SLF2: variants seen among roughly 807,000 people sequenced by gnomAD.
The protein encoded by SLF2 is SMC5/6 complex localization factor 2, also known as SMC5-SMC6 complex localization factor protein 2.
In SLF2, 68 loss-of-function variants were observed where a neutral mutation model predicts 124.3. That is an observed-to-expected ratio of 0.55 (90% CI 0.45 to 0.67). The LOEUF is 0.67. SLF2 is among the 30% of genes least tolerant of loss of function. The pLI is 0.00. For missense variants in SLF2, 1,246 were observed against 1,373.7 expected (o/e 0.91, Z 1.47); for synonymous variants, 480 against 478.8 (o/e 1.00, Z -0.03).
intron 17 of SLF2, among the ~76,000 whole-genome samples, chr10:100,952,899 A>G (rs1850246903): frequency 6.6e-6 from 1 of 152,124 alleles, no homozygotes; most frequent in African/African-American, 2.4e-5. Flanking sequence ...AGATCACGCC[A>G]TTGCACACCA....
intron 10 of SLF2, 91 bp downstream of exon 10, chr10:100,937,568 G>A (rs1456271985): frequency 9.5e-6 from 8 of 841,882 alleles, no homozygotes; most frequent in South Asian, 1.5e-5. Context: ...TAGTATATTT[G>A]GAAATATACA....
At position 100,924,637 on chromosome 10, in the gene SLF2, C is replaced by A. The variant is rs747051897; in HGVS notation, c.1636C>A (p.Arg546Ser). 3.1e-6 allele frequency: 5 copies of A among 1,614,032 alleles called. No homozygotes were observed. The highest frequency in any genetic ancestry group is 4.2e-6 in the Non-Finnish European group (5 of 1,180,028). Residue 546 changes from arginine to serine, a missense_variant, in exon 5 of 20, where the codon CGC becomes AGC. Transcript: ENST00000238961. ...AGGGAAAATTTCTGGGGGACCTTTGCGCTCAGAATATGGCACTCCTACAAA... is the reference window on the plus strand; with the variant it reads ...AGGGAAAATTTCTGGGGGACCTTTGAGCTCAGAATATGGCACTCCTACAAA... ...SSGKISGGPLRSEYGTPTKSP... is the reference protein window; with the variant it reads ...SSGKISGGPLSSEYGTPTKSP...
Position 100,945,383 on chromosome 10 carries a change from A to G in SLF2, c.2811A>G (p.Ile937Met). The change falls in exon 13 of 20, where the codon ATA becomes ATG. Residue 937 changes from isoleucine to methionine, a missense_variant. Transcript: ENST00000238961. The stretch of plus-strand genomic sequence containing the variant: ...CAGAAGGTTACCAGGATCGTGAAAT[A>G]ATGTTGCTGATTTTAATGTTATTTA... ...IHPEGYQDRE[I>M]MLLILMLFKM... 6.2e-7 allele frequency: 1 copy of G among 1,603,176 alleles called. No individual in the cohort carries two copies. Among genetic ancestry groups the G allele is most frequent in the Non-Finnish European group, 8.5e-7 (1 of 1,177,554 alleles).
At position 100,959,979 on chromosome 10, in the gene SLF2, G is replaced by C. The variant is rs1473339944; in HGVS notation, c.3486+483G>C. Among the ~76,000 whole-genome samples the C allele has an allele frequency of 2.0e-5, 3 of 152,018 alleles. No individual in the cohort carries two copies. In the East Asian group the frequency reaches 5.8e-4, roughly 29 times the overall value. ...CCTCCTGACTCCTCCCAAATCCTAG[G>C]CAAACACTAATCTACTTTCTGTCCC... On this transcript the variant is annotated intron_variant, in intron 19 of 19. Coordinates refer to ENST00000238961, the MANE Select transcript of SLF2 (RefSeq NM_018121.4).
chr10:100,928,041 C>T (rs780726100), intron 6 of SLF2, among the ~76,000 whole-genome samples: 2 of 45,014 alleles, frequency 4.4e-5, no homozygotes, highest in Non-Finnish European at 5.8e-5. Flanking sequence ...ACCCCCCCCC[C>T]CCCCCACACA....
chr10:100,924,488 T>A lies in SLF2; in HGVS notation c.1487T>A (p.Leu496His). Residue 496 changes from leucine (L) to histidine (H), a missense_variant, in exon 5 of 20, where the codon CTT (leucine) becomes CAT (histidine). Around this residue, in one of 3 missense-constraint regions of SLF2, gnomAD observed 698 missense variants for 708.9 expected, o/e 0.98. Coordinates refer to ENST00000238961, the MANE Select transcript of SLF2 (RefSeq NM_018121.4). Reference sequence around the variant, plus strand: ...CCATTAAATGCTAAAAATTGTGCTCTTCCAGTTTCTAAAAAAGATAAAGAG... The same window carrying A: ...CCATTAAATGCTAAAAATTGTGCTCATCCAGTTTCTAAAAAAGATAAAGAG... ...LVPLNAKNCA[L>H]PVSKKDKERS... The A allele has an allele frequency of 6.2e-7, 1 of 1,614,152 alleles. No individual in the cohort carries two copies. Among genetic ancestry groups the A allele is most frequent in the Non-Finnish European group, 8.5e-7 (1 of 1,180,036 alleles).
chr10:100,917,018 C>T lies in SLF2; in HGVS notation c.633C>T (p.Asn211=). ...TGGCAGAAGCTGACATCTTCAATAA[C>T]AGCTCCAGAAGCCTTAGCAGCAGGA... ...TTVAEADIFN[N]SSRSLSSRSS... is the part of the protein sequence containing the mutation. The change falls in exon 3 of 20, where the codon AAC becomes AAT. Residue 211 remains asparagine, a synonymous_variant. Transcript: ENST00000238961. 6.2e-7 allele frequency: 1 copy of T among 1,614,178 alleles called. No homozygotes were observed. The highest frequency in any genetic ancestry group is 8.5e-7 in the Non-Finnish European group (1 of 1,180,038).
intron 6 of SLF2, among the ~76,000 whole-genome samples, chr10:100,927,079 G>A (rs1849629206): frequency 7.7e-6 from 1 of 129,110 alleles, no homozygotes; most frequent in Non-Finnish European, 1.8e-5. Flanking sequence ...AGAATTTTTT[G>A]TGTTTTTTTA....
chr10:100,924,673 G>A lies in SLF2; in HGVS notation c.1672G>A (p.Ala558Thr), dbSNP rs753503500. ...TGGCACTCCTACAAAGTCTCCCCCT[G>A]CTGCTTTGGAAGTTGTGCCATGTAT... Reference protein sequence around the residue: ...EYGTPTKSPPAALEVVPCIPS... With the variant: ...EYGTPTKSPPTALEVVPCIPS... Residue 558 changes from alanine to threonine, a missense_variant, in exon 5 of 20, where the codon GCT becomes ACT. By Grantham distance (58) the Ala-to-Thr change is moderately conservative (BLOSUM62 0). Coordinates refer to ENST00000238961, the MANE Select transcript of SLF2 (RefSeq NM_018121.4). 1.9e-6 allele frequency: 3 copies of A among 1,614,116 alleles called. No homozygotes were observed. Among genetic ancestry groups the A allele is most frequent in the Non-Finnish European group, 2.5e-6 (3 of 1,180,028 alleles).
At chr10:100,954,439 A>G (rs1662045048) in intron 17 of SLF2, among the ~76,000 whole-genome samples, 1 of 152,216 alleles carries the variant, frequency 6.6e-6, no homozygotes, top group Non-Finnish European at 1.5e-5. Flanking sequence ...TAGAAGTAGA[A>G]TTGTTAGATC....
At chr10:100,915,545 T>C (rs1459044578) in intron 1 of SLF2, among the ~76,000 whole-genome samples, 8 of 152,212 alleles carry the variant, frequency 5.3e-5, no homozygotes, top group African/African-American at 1.9e-4. Context: ...CATACATCTA[T>C]TGAGTTTTTT....
Position 100,959,479 on chromosome 10 carries a change from A to G in SLF2, c.3469A>G (p.Asn1157Asp), listed in dbSNP as rs1240260424. Residue 1157 changes from asparagine (N) to aspartate (D), a missense_variant, in exon 19 of 20, where the codon AAC becomes GAC. Around this residue, in one of 3 missense-constraint regions of SLF2, gnomAD observed 535 missense variants for 632.8 expected, o/e 0.85. Coordinates refer to ENST00000238961, the MANE Select transcript of SLF2 (RefSeq NM_018121.4). ...TGGAAAATGGCAGGAAATAATCCAGAACTGTCGGCCTACTCAGGTGTCATT... is the reference window on the plus strand; with the variant it reads ...TGGAAAATGGCAGGAAATAATCCAGGACTGTCGGCCTACTCAGGTGTCATT... ...IHGKWQEIIQNCRPTQGQLHD... is the reference protein window; with the variant it reads ...IHGKWQEIIQDCRPTQGQLHD... 1 of 1,611,844 alleles carries G rather than the reference A, an allele frequency of 6.2e-7. No individual in the cohort carries two copies. The highest frequency in any genetic ancestry group is 8.5e-7 in the Non-Finnish European group (1 of 1,179,522).
At chr10:100,934,571 GT>G (rs1849808015) in intron 9 of SLF2, among the ~76,000 whole-genome samples, 1 of 151,708 alleles carries the variant, frequency 6.6e-6, no homozygotes, top group Admixed American at 6.6e-5. Context: ...TAGAGTTCAG[GT>G]TACTCCTCCT....
rs759229354 is a variant in SLF2, at chr10:100,918,333, ATTC to A, written c.916-48_916-46del. Reference sequence around the variant, plus strand: ...TAAATGTTAGGAAGAATGCCTTCACATTCTTTACTGTCCCCAACACTTAATTAA... The same window carrying A: ...TAAATGTTAGGAAGAATGCCTTCACATTTACTGTCCCCAACACTTAATTAA... On this transcript the variant is annotated intron_variant, in intron 3 of 19. Coordinates refer to ENST00000238961, the MANE Select transcript of SLF2 (RefSeq NM_018121.4). 4.7e-5 allele frequency: 58 copies of A among 1,227,894 alleles called. 2 individuals are homozygous for A. The South Asian group carries it at 8.0e-4, about 17-fold the overall frequency. The allele number at this position is 1,227,894 out of a possible 1,614,324, so 76.1% of individuals were successfully genotyped here.
intron 8 of SLF2, among the ~76,000 whole-genome samples, chr10:100,930,620 A>G (rs953461624): frequency 4.6e-5 from 7 of 152,192 alleles, no homozygotes; most frequent in African/African-American, 1.7e-4. Flanking sequence ...AAACTGATCT[A>G]ATTTCTCTCA....
rs901392415 is a variant in SLF2, at chr10:100,916,890, C to G, written c.505C>G (p.Arg169Gly). The change falls in exon 3 of 20, where the codon CGA (arginine) becomes GGA (glycine). Residue 169 changes from arginine to glycine, a missense_variant. Transcript: ENST00000238961. ...KEMKSLKKKH[R>G]SPERRKSLFI... ...GATGAAGTCACTAAAGAAAAAACAT[C>G]GATCCCCAGAGAGAAGGAAGTCACT... The G allele has an allele frequency of 1.2e-5, 19 of 1,613,948 alleles. No homozygotes were observed. Among genetic ancestry groups the G allele is most frequent in the Admixed American group, 3.3e-5 (2 of 59,988 alleles).
chr10:100,959,669 TTTATA>T (rs1262141354), intron 19 of SLF2, 173 bp downstream of exon 19: 11 of 1,153,422 alleles, frequency 9.5e-6, no homozygotes, highest in Middle Eastern at 3.2e-4. Context: ...TTTCGTTTGC[TTTATA>T]TTCATTAATT....
At chr10:100,927,989 C>A (rs959585158) in intron 6 of SLF2, among the ~76,000 whole-genome samples, 2 of 136,838 alleles carry the variant, frequency 1.5e-5, no homozygotes, top group Non-Finnish European at 3.1e-5. Flanking sequence ...ATATTTCTAT[C>A]AAGTTACTCT....
At chr10:100,926,317 A>C in intron 6 of SLF2, 1 of 1,440,662 alleles carries the variant, frequency 6.9e-7, no homozygotes, top group Non-Finnish European at 9.1e-7. Flanking sequence ...TCAAATGAAA[A>C]AAAGAGGCCA....
Sources: allele counts gnomAD v4.1 joint callset (sites outside exome capture counted in the v4.1 genomes callset), GRCh38; gene constraint gnomAD v4.1.1; regional missense constraint gnomAD v4.1.1; transcripts MANE v1.5; gene names NCBI Gene and HGNC (gene_info 2026-07-23, HGNC 2026-07-21).